Variants in ACSM1 observed in about 807,000 individuals in gnomAD.
The protein encoded by ACSM1 is acyl-CoA synthetase medium chain family member 1, also known as acyl-coenzyme A synthetase ACSM1, mitochondrial.
In ACSM1, 79 loss-of-function variants were observed where a neutral mutation model predicts 75.8. The observed-to-expected ratio is 1.04, with a 90% CI of 0.87 to 1.26. The LOEUF (loss-of-function observed/expected upper bound fraction) is 1.26, where lower values mean the gene tolerates loss of function less well. Among genes scored for constraint, ACSM1 ranks in the 50% most tolerant of loss-of-function variants. ACSM1 has a pLI of 0.00. For synonymous variants in ACSM1, 279 were observed against 265.8 expected (o/e 1.05, Z -0.48); for missense variants, 676 against 720.1 (o/e 0.94, Z 0.70).
chr16:20,671,465 A>G (rs1187599262), intron 5 of ACSM1, 66 bp downstream of exon 5: 4 of 1,510,484 alleles, frequency 2.6e-6, no homozygotes, highest in Non-Finnish European at 3.6e-6. Context: ...ACACACACAC[A>G]CACACACACA....
At chr16:20,635,403 A>G (rs2017607005) in intron 10 of ACSM1, among the ~76,000 whole-genome samples, 1 of 152,066 alleles carries the variant, frequency 6.6e-6, no homozygotes, top group Non-Finnish European at 1.5e-5. Flanking sequence ...TTTTCTTTAA[A>G]TATATTTCTT....
intron 8 of ACSM1, among the ~76,000 whole-genome samples, chr16:20,637,825 C>G (rs770894961): frequency 2.0e-5 from 3 of 152,220 alleles, no homozygotes; most frequent in Non-Finnish European, 4.4e-5. Context: ...ACTAGTCTAT[C>G]TAACAAACAT....
intron 1 of ACSM1, among the ~76,000 whole-genome samples, chr16:20,696,361 G>C (rs1488305961): frequency 6.6e-6 from 1 of 152,136 alleles, no homozygotes; most frequent in Non-Finnish European, 1.5e-5. Context: ...ACAAAGCTTA[G>C]TTTGTCTATT....
intron 8 of ACSM1, 60 bp from the exon 9 acceptor site, chr16:20,637,511 G>A (rs2017798402): frequency 1.4e-6 from 2 of 1,387,806 alleles, no homozygotes; most frequent in Non-Finnish European, 2.0e-6. Flanking sequence ...TCACAAAGCA[G>A]TCAGAATCAT....
Position 20,640,699 on chromosome 16 carries a change from A to G in ACSM1, c.993-115T>C, listed in dbSNP as rs1379171184. ...CTTCTAGTTCCTCACTTTCTTATTTACTTTTTGGTCATTTTACAGTTGGCC... is the reference window on the plus strand; with the variant it reads ...CTTCTAGTTCCTCACTTTCTTATTTGCTTTTTGGTCATTTTACAGTTGGCC... On this transcript the variant is annotated intron_variant, in intron 7 of 13. Coordinates refer to ENST00000520010, the MANE Select transcript of ACSM1 (RefSeq NM_001318890.3). 2.7e-6 allele frequency: 4 copies of G among 1,505,470 alleles called. No homozygotes were observed. The African/African-American group carries it at 5.6e-5, about 21-fold the overall frequency. 93.3% of individuals were successfully genotyped at this position (1,505,470 alleles called of 1,614,324 possible).
At chr16:20,627,771 G>A (rs2152186048) in intron 10 of ACSM1, among the ~76,000 whole-genome samples, 1 of 151,086 alleles carries the variant, frequency 6.6e-6, no homozygotes, top group South Asian at 2.1e-4. Flanking sequence ...GGAGGTTGCA[G>A]TGAGCCAAGA....
chr16:20,692,229 C>T (rs2079660796), intron 1 of ACSM1, among the ~76,000 whole-genome samples: 1 of 152,154 alleles, frequency 6.6e-6, no homozygotes, highest in Non-Finnish European at 1.5e-5. Flanking sequence ...CGTGACACAG[C>T]CCTCAGGAAA....
chr16:20,660,960 A>C (rs1022673703), intron 7 of ACSM1, among the ~76,000 whole-genome samples: 1 of 152,198 alleles, frequency 6.6e-6, no homozygotes, highest in Admixed American at 6.6e-5. Flanking sequence ...GGAACAATGG[A>C]AATTCTCCTG....
At chr16:20,671,772 G>A in intron 4 of ACSM1, 101 bp from the exon 5 acceptor site, 1 of 1,326,966 alleles carries the variant, frequency 7.5e-7, no homozygotes, top group Non-Finnish European at 9.9e-7. Context: ...GAAACTGGGA[G>A]TTTGCAACAC....
rs1317653266 is a variant in ACSM1 at position 20,657,606 on chromosome 16, A to AT, written c.992+4187dup. 4.2e-5 allele frequency among the ~76,000 whole-genome samples: 6 copies of AT among 142,082 alleles called. No homozygotes were observed. In the East Asian group the frequency reaches 1.2e-3, roughly 28 times the overall value. The allele number at this position is 142,082 out of a possible 152,430, so 93.2% of individuals were successfully genotyped here. On this transcript the variant is annotated intron_variant, in intron 7 of 13. Transcript: ENST00000520010. The stretch of plus-strand genomic sequence containing the variant: ...TTACAGGCATAAGCCACTGTGCCCA[A>AT]TGTTTTTTTTTTTATTATACCTTAA...
chr16:20,671,855 AT>A (rs1333349344), intron 4 of ACSM1, among the ~76,000 whole-genome samples, 184 bp from the exon 5 acceptor site: 1 of 152,166 alleles, frequency 6.6e-6, no homozygotes, highest in Non-Finnish European at 1.5e-5. Flanking sequence ...GTGGACCAGC[AT>A]TTTTTTATTT....
intron 7 of ACSM1, among the ~76,000 whole-genome samples, chr16:20,652,650 T>G (rs2152240251): frequency 6.6e-6 from 1 of 152,226 alleles, no homozygotes; most frequent in Admixed American, 6.5e-5. Flanking sequence ...CTAGAAAATC[T>G]AGAAGAAATG....
chr16:20,686,954 C>G (rs1038157980), intron 2 of ACSM1, among the ~76,000 whole-genome samples: 1 of 150,720 alleles, frequency 6.6e-6, no homozygotes, highest in African/African-American at 2.4e-5. Flanking sequence ...AAAAGCCATA[C>G]TCAAAATGGT....
At chr16:20,628,305 G>T (rs1354961256) in intron 10 of ACSM1, among the ~76,000 whole-genome samples, 1 of 151,968 alleles carries the variant, frequency 6.6e-6, no homozygotes, top group East Asian at 1.9e-4. Context: ...TTTCACTTGT[G>T]TGTCTGTGTA....
At chr16:20,669,718 T>A in intron 6 of ACSM1, 109 bp downstream of exon 6, 1 of 1,137,884 alleles carries the variant, frequency 8.8e-7, no homozygotes, top group African/African-American at 1.5e-5. Flanking sequence ...CTCAGGATCA[T>A]CTTAGGCTCA....
At chr16:20,673,067 A>C (rs1882208511) in intron 4 of ACSM1, among the ~76,000 whole-genome samples, 5 of 146,216 alleles carry the variant, frequency 3.4e-5, no homozygotes, top group African/African-American at 1.2e-4. Context: ...ATTATATGAT[A>C]TATATACTTA....
chr16:20,697,318 T>C (rs751393109), intron 1 of ACSM1, among the ~76,000 whole-genome samples: 1 of 152,094 alleles, frequency 6.6e-6, no homozygotes, highest in Non-Finnish European at 1.5e-5. Flanking sequence ...CAAACATTCA[T>C]CTCTGACTTT....
At chr16:20,659,460 G>A (rs1458826182) in intron 7 of ACSM1, among the ~76,000 whole-genome samples, 1 of 152,094 alleles carries the variant, frequency 6.6e-6, no homozygotes, top group East Asian at 1.9e-4. Context: ...TGCCTGGGGA[G>A]TCATACCTTA....
chr16:20,637,979 T>C (rs2017823929), intron 8 of ACSM1, among the ~76,000 whole-genome samples: 1 of 152,240 alleles, frequency 6.6e-6, no homozygotes, highest in Admixed American at 6.5e-5. Context: ...AATCTCACCC[T>C]GCAGGATGCC....
Sources: allele counts gnomAD v4.1 joint callset (sites outside exome capture counted in the v4.1 genomes callset), GRCh38; gene constraint gnomAD v4.1.1; transcripts MANE v1.5; gene names NCBI Gene and HGNC (gene_info 2026-07-23, HGNC 2026-07-21).